The following MBD5 variants were observed in gnomAD, a reference collection of about 807,000 sequenced individuals.
MBD5 encodes the protein methyl-CpG-binding domain protein 5.
A neutral mutation model predicts 117.3 loss-of-function variants in MBD5; 13 were observed. The observed-to-expected ratio is 0.11, with a 90% CI of 0.07 to 0.18. MBD5 has a LOEUF of 0.18. Among genes scored for constraint, MBD5 ranks in the 10% least tolerant of loss-of-function variants. The probability of loss-of-function intolerance (pLI) is 1.00; values close to 1 mark genes in which losing one functional copy is unlikely to be tolerated. For missense variants in MBD5, 1,879 were observed against 2,093.8 expected (o/e 0.90, Z 2.00); for synonymous variants, 727 against 766.4 (o/e 0.95, Z 0.85).
At chr2:148,060,132 C>CAAAAAAGAA (rs1694986977) in intron 1 of MBD5, among the ~76,000 whole-genome samples, 1 of 14,042 alleles carries the variant, frequency 7.1e-5, no homozygotes, top group African/African-American at 3.5e-4. Flanking sequence ...ACAAAAAGTG[C>CAAAAAAGAA]AAAAAAAAAA....
intron 1 of MBD5, among the ~76,000 whole-genome samples, chr2:148,107,228 A>C (rs1196043945): frequency 6.6e-6 from 1 of 152,046 alleles, no homozygotes. Flanking sequence ...ATATTATTTT[A>C]GTGTCTTCGG....
chr2:148,269,643 A>T (rs970301978), intron 3 of MBD5, among the ~76,000 whole-genome samples: 1 of 144,942 alleles, frequency 6.9e-6, no homozygotes, highest in Non-Finnish European at 1.5e-5. Context: ...CTTTATACAG[A>T]TATATCTAAT....
chr2:148,067,640 A>G (rs1160381470), intron 1 of MBD5, among the ~76,000 whole-genome samples: 3 of 152,206 alleles, frequency 2.0e-5, no homozygotes, highest in African/African-American at 7.2e-5. Context: ...GATGTTGTTC[A>G]GAGTTACAAG....
At chr2:148,315,761 A>C (rs988897225) in intron 3 of MBD5, among the ~76,000 whole-genome samples, 5 of 152,124 alleles carry the variant, frequency 3.3e-5, no homozygotes, top group Non-Finnish European at 7.4e-5. Context: ...ATGTCTTATA[A>C]TGTATACCAC....
rs143472998 is a variant in MBD5 at position 148,408,945 on chromosome 2, T to G, written c.-556-49258T>G. On this transcript the variant is annotated intron_variant, in intron 4 of 13. Transcript: ENST00000642680. ...AGATGATTTAAAGGATATGGGAGCA[T>G]GGACATAGGTTATAGGCAAATACTA... is the stretch of plus-strand genomic sequence containing the variant. Among the ~76,000 whole-genome samples the G allele has an allele frequency of 4.6e-5, 7 of 152,230 alleles. No individual in the cohort carries two copies. The East Asian group carries it at 1.4e-3, about 29-fold the overall frequency.
chr2:148,421,224 C>T (rs1705594628), intron 4 of MBD5, among the ~76,000 whole-genome samples: 1 of 152,182 alleles, frequency 6.6e-6, no homozygotes, highest in South Asian at 2.1e-4. Context: ...ACTGAGCTAC[C>T]TGGTTCATCT....
intron 1 of MBD5, among the ~76,000 whole-genome samples, chr2:148,104,860 A>G (rs570422006): frequency 2.7e-4 from 41 of 152,314 alleles, no homozygotes; most frequent in African/African-American, 9.6e-4. Context: ...TAATACTCAA[A>G]TAATAAGCTC....
rs555991602 is a variant in MBD5, at chr2:148,283,618, T to G, written c.-680+50223T>G. ...CAAACAAATCTAAGAACTAAACCATTTATCCTTCACCGATGGCCCTATTTT... is the reference window on the plus strand; with the variant it reads ...CAAACAAATCTAAGAACTAAACCATGTATCCTTCACCGATGGCCCTATTTT... On this transcript the variant is annotated intron_variant, in intron 3 of 13. Coordinates refer to ENST00000642680, the MANE Select transcript of MBD5 (RefSeq NM_001378120.1). 2.0e-5 allele frequency among the ~76,000 whole-genome samples: 3 copies of G among 152,212 alleles called. No homozygotes were observed. The South Asian group carries it at 6.2e-4, about 32-fold the overall frequency.
chr2:148,513,182 CTGAGAAACTCTTTT>C lies in MBD5; in HGVS notation c.*243_*256del, dbSNP rs1277966768. On this transcript the variant is annotated 3_prime_UTR_variant, in exon 14 of 14. Transcript: ENST00000642680. ...AGAGTGATCAATGGTCAAGAGATTA[CTGAGAAACTCTTTT>C]TCTATAATACTAAATTGTGATTATA... 4 of 500,382 alleles carry C rather than the reference CTGAGAAACTCTTTT, an allele frequency of 8.0e-6. No individual in the cohort carries two copies. Among genetic ancestry groups the C allele is most frequent in the Non-Finnish European group, 1.4e-5 (4 of 279,208 alleles). 31.0% of individuals were successfully genotyped at this position (500,382 alleles called of 1,614,324 possible).
chr2:148,229,423 TC>T (rs1236313208), intron 2 of MBD5, among the ~76,000 whole-genome samples: 4 of 152,192 alleles, frequency 2.6e-5, no homozygotes, highest in African/African-American at 9.6e-5. Context: ...TCTTTGACTT[TC>T]CTCAGCACAG....
chr2:148,201,012 T>G (rs1699126207), intron 2 of MBD5, among the ~76,000 whole-genome samples: 1 of 152,192 alleles, frequency 6.6e-6, no homozygotes, highest in African/African-American at 2.4e-5. Flanking sequence ...CAGGGATTAT[T>G]CTAGAGATGC....
At chr2:148,215,567 A>G (rs1310946838) in intron 2 of MBD5, among the ~76,000 whole-genome samples, 1 of 151,662 alleles carries the variant, frequency 6.6e-6, no homozygotes, top group Non-Finnish European at 1.5e-5. Flanking sequence ...ACAAGGTCTT[A>G]GTCTGTCACC....
At chr2:148,495,739 A>G (rs1681680675) in intron 11 of MBD5, among the ~76,000 whole-genome samples, 1 of 152,204 alleles carries the variant, frequency 6.6e-6, no homozygotes, top group South Asian at 2.1e-4. Flanking sequence ...CCATACAGTT[A>G]TTTCTGGCAA....
intron 3 of MBD5, among the ~76,000 whole-genome samples, chr2:148,234,118 G>C (rs571620362): frequency 6.1e-4 from 93 of 152,012 alleles, no homozygotes; most frequent in African/African-American, 2.1e-3. Flanking sequence ...AAGGAATCTG[G>C]CTTTTTTTCT....
chr2:148,157,819 G>A (rs2105722292), intron 1 of MBD5, among the ~76,000 whole-genome samples: 1 of 152,296 alleles, frequency 6.6e-6, no homozygotes, highest in South Asian at 2.1e-4. Flanking sequence ...ACTGGTGAAA[G>A]TGTAAATTGG....
chr2:148,271,693 A>G (rs889824964), intron 3 of MBD5, among the ~76,000 whole-genome samples: 2 of 152,160 alleles, frequency 1.3e-5, no homozygotes, highest in African/African-American at 2.4e-5. Flanking sequence ...CAAAAATTGT[A>G]TATATTTATG....
At chr2:148,385,215 C>A (rs1480831513) in intron 4 of MBD5, among the ~76,000 whole-genome samples, 1 of 152,200 alleles carries the variant, frequency 6.6e-6, no homozygotes, top group Admixed American at 6.5e-5. Flanking sequence ...ACGTACTCAT[C>A]TGACAAAGGG....
intron 1 of MBD5, among the ~76,000 whole-genome samples, chr2:148,042,739 A>C (rs1694399045): frequency 6.6e-6 from 1 of 152,150 alleles, no homozygotes; most frequent in Admixed American, 6.5e-5. Flanking sequence ...CCTTACTCAC[A>C]TTTGGTAATT....
At chr2:148,374,240 T>TAC (rs57110874) in intron 4 of MBD5, among the ~76,000 whole-genome samples, 11,329 of 141,832 alleles carry the variant, frequency 0.08, 446 homozygotes, top group South Asian at 0.092. Flanking sequence ...TGTTTATGCA[T>TAC]ACACACACAC....
Sources: allele counts gnomAD v4.1 joint callset (sites outside exome capture counted in the v4.1 genomes callset), GRCh38; gene constraint gnomAD v4.1.1; transcripts MANE v1.5; gene names NCBI Gene and HGNC (gene_info 2026-07-23, HGNC 2026-07-21).